The following LTBP1 variants were observed in gnomAD, a reference collection of about 807,000 sequenced individuals.
LTBP1 encodes the protein latent-transforming growth factor beta-binding protein 1.
In LTBP1, 129 loss-of-function variants were observed where a neutral mutation model predicts 207.6. That is an observed-to-expected ratio of 0.62 (90% CI 0.54 to 0.72). The LOEUF is 0.72. Ranked by LOEUF, LTBP1 falls within the 30% of genes least tolerant of loss-of-function variation. The pLI, the probability that LTBP1 is intolerant of heterozygous loss-of-function variation, is 0.00. For missense variants in LTBP1, 2,281 were observed against 2,217.2 expected, an observed-to-expected ratio of 1.03 and a Z score of -0.58; for synonymous variants, 963 against 833.7, an observed-to-expected ratio of 1.16 and a Z score of -2.67.
At chr2:33,069,462 A>G (rs2149723920) in intron 3 of LTBP1, among the ~76,000 whole-genome samples, 1 of 152,336 alleles carries the variant, frequency 6.6e-6, no homozygotes, top group Middle Eastern at 3.4e-3. Context: ...GGAGGGCAAC[A>G]AGCAAGTCTG....
At chr2:33,069,855 A>G (rs2077699849) in intron 3 of LTBP1, among the ~76,000 whole-genome samples, 1 of 152,214 alleles carries the variant, frequency 6.6e-6, no homozygotes, top group Non-Finnish European at 1.5e-5. Context: ...AGAATGGAAG[A>G]CGGTATTCCC....
intron 10 of LTBP1, among the ~76,000 whole-genome samples, chr2:33,244,533 A>T (rs550108376): frequency 6.6e-6 from 1 of 152,210 alleles, no homozygotes; most frequent in Non-Finnish European, 1.5e-5. Flanking sequence ...ATCATATGCC[A>T]TTAGAGAGGA....
At chr2:33,334,163 T>G (rs1255104260) in intron 24 of LTBP1, among the ~76,000 whole-genome samples, 1 of 152,170 alleles carries the variant, frequency 6.6e-6, no homozygotes, top group Non-Finnish European at 1.5e-5. Flanking sequence ...TGAGAACTGA[T>G]GGAGTAAACA....
intron 31 of LTBP1, among the ~76,000 whole-genome samples, chr2:33,388,402 C>T (rs994751841): frequency 2.6e-5 from 4 of 152,220 alleles, no homozygotes; most frequent in African/African-American, 9.6e-5. Flanking sequence ...TCTGGAGCTT[C>T]GTTTCTGACT....
intron 2 of LTBP1, among the ~76,000 whole-genome samples, chr2:32,972,072 T>C (rs573798903): frequency 5.1e-4 from 77 of 152,112 alleles, no homozygotes; most frequent in African/African-American, 1.8e-3. Flanking sequence ...GTAGGTTTTC[T>C]AGTTTGTGTG....
At chr2:33,240,645 C>CTTTTTT (rs869193074) in intron 9 of LTBP1, among the ~76,000 whole-genome samples, 42 of 100,798 alleles carry the variant, frequency 4.2e-4, no homozygotes, top group African/African-American at 6.1e-4. Context: ...TGGAAACATT[C>CTTTTTT]TTTTTTTTTT....
chr2:33,179,727 G>C (rs1307420420), intron 5 of LTBP1, among the ~76,000 whole-genome samples: 1 of 149,238 alleles, frequency 6.7e-6, no homozygotes, highest in East Asian at 1.9e-4. Flanking sequence ...CCAAAGCCAA[G>C]TGTCCAGTGC....
At chr2:33,304,317 G>T (rs917641304) in intron 22 of LTBP1, among the ~76,000 whole-genome samples, 1 of 152,082 alleles carries the variant, frequency 6.6e-6, no homozygotes, top group African/African-American at 2.4e-5. Flanking sequence ...CAATGTTTCC[G>T]ACCCTCCCCA....
intron 26 of LTBP1, among the ~76,000 whole-genome samples, chr2:33,358,238 A>G (rs1171967185): frequency 6.6e-6 from 1 of 152,126 alleles, no homozygotes; most frequent in Non-Finnish European, 1.5e-5. Context: ...ACCAGTGTAA[A>G]AAATAATTAT....
At chr2:33,087,515 A>G (rs1399113711) in intron 3 of LTBP1, among the ~76,000 whole-genome samples, 1 of 152,198 alleles carries the variant, frequency 6.6e-6, no homozygotes, top group Non-Finnish European at 1.5e-5. Context: ...CTTTGTTTTA[A>G]GATGGGGGAA....
intron 8 of LTBP1, among the ~76,000 whole-genome samples, chr2:33,221,688 C>T (rs1453307850): frequency 1.3e-5 from 2 of 152,118 alleles, no homozygotes; most frequent in Non-Finnish European, 2.9e-5. Context: ...GAATAACAGA[C>T]ATCACCCAGA....
At chr2:33,365,178 T>A (rs553484505) in intron 30 of LTBP1, among the ~76,000 whole-genome samples, 155 bp from the exon 31 acceptor site, 7 of 152,162 alleles carry the variant, frequency 4.6e-5, no homozygotes, top group Non-Finnish European at 8.8e-5. Context: ...TGACAGAGAA[T>A]TGATCCATTG....
intron 3 of LTBP1, 27 bp from the exon 4 acceptor site, chr2:33,110,555 C>A (rs750469762): frequency 1.8e-5 from 28 of 1,599,362 alleles, no homozygotes; most frequent in Non-Finnish European, 2.1e-5. Flanking sequence ...TTATTTAATT[C>A]CTTCTCTTTA....
At chr2:33,011,016 C>G (rs1272426984) in intron 2 of LTBP1, among the ~76,000 whole-genome samples, 1 of 152,138 alleles carries the variant, frequency 6.6e-6, no homozygotes, top group African/African-American at 2.4e-5. Context: ...CCAGGCCCGG[C>G]CTAATCCATT....
At chr2:33,051,284 G>C (rs11888187) in intron 3 of LTBP1, among the ~76,000 whole-genome samples, 20,557 of 152,106 alleles carry the variant, frequency 0.14, 1,556 homozygotes, top group South Asian at 0.21. Flanking sequence ...GGGTGTGGTG[G>C]TGTGTGCCTG....
intron 23 of LTBP1, among the ~76,000 whole-genome samples, chr2:33,313,040 C>A (rs2094210130): frequency 6.6e-6 from 1 of 152,090 alleles, no homozygotes. Context: ...AAAGGATGGC[C>A]AATCTAAGAT....
chr2:33,273,833 T>A lies in LTBP1; in HGVS notation c.2743+52T>A, dbSNP rs371407804. 18 of 1,491,018 alleles carry A rather than the reference T, an allele frequency of 1.2e-5. No individual in the cohort carries two copies. The African/African-American group carries it at 2.6e-4, about 21-fold the overall frequency. 92.4% of individuals were successfully genotyped at this position (1,491,018 alleles called of 1,614,324 possible). A position where few individuals can be genotyped will look rare whatever the true frequency, so the allele number is the denominator to read the frequency against. On this transcript the variant is annotated intron_variant, in intron 16 of 33. Transcript: ENST00000404816. ...TATTAAATATCAAACATTTGAACAT[T>A]AAGAACATTTTTTTCTTAAACCAAC...
At chr2:33,322,641 C>G (rs1281116891) in intron 24 of LTBP1, among the ~76,000 whole-genome samples, 1 of 152,194 alleles carries the variant, frequency 6.6e-6, no homozygotes, top group Non-Finnish European at 1.5e-5. Flanking sequence ...CACCTGTCTT[C>G]TCATTTAATC....
chr2:33,363,271 A>C, intron 28 of LTBP1, 119 bp from the exon 29 acceptor site: 1 of 973,546 alleles, frequency 1.0e-6, no homozygotes. Context: ...TTTGTGTAGG[A>C]TTCTTTGGAA....
Sources: allele counts gnomAD v4.1 joint callset (sites outside exome capture counted in the v4.1 genomes callset), GRCh38; gene constraint gnomAD v4.1.1; transcripts MANE v1.5; gene names NCBI Gene and HGNC (gene_info 2026-07-23, HGNC 2026-07-21).